IGLL5: variants seen among roughly 807,000 people sequenced by gnomAD.
The protein encoded by IGLL5 is immunoglobulin lambda-like polypeptide 5.
In IGLL5, 30 loss-of-function variants were observed where a neutral mutation model predicts 20.9. The ratio of observed to expected loss-of-function variants is 1.44; its 90% CI spans 1.07 to 1.95. The LOEUF is 1.95. Ranked by LOEUF, IGLL5 falls within the 30% of genes most tolerant of loss-of-function variation. IGLL5 has a pLI of 0.00. For synonymous variants in IGLL5, 203 were observed against 117.3 expected, an observed-to-expected ratio of 1.73 and a Z score of -4.72; for missense variants, 475 against 270.7, an observed-to-expected ratio of 1.75 and a Z score of -5.30.
intron 1 of IGLL5, among the ~76,000 whole-genome samples, chr22:22,892,414 A>C (rs1247924708): frequency 6.6e-6 from 1 of 151,126 alleles, no homozygotes; most frequent in African/African-American, 2.4e-5. Flanking sequence ...GATGGTTGCC[A>C]TCATAAACTC....
intron 1 of IGLL5, among the ~76,000 whole-genome samples, chr22:22,889,105 T>C (rs527437510): frequency 4.6e-5 from 7 of 151,172 alleles, no homozygotes; most frequent in South Asian, 2.1e-4. Context: ...AGATTTGTGT[T>C]TTTGGAAAAA....
chr22:22,893,247 G>T (rs2067903464), intron 1 of IGLL5, among the ~76,000 whole-genome samples: 1 of 151,152 alleles, frequency 6.6e-6, no homozygotes, highest in Non-Finnish European at 1.5e-5. Context: ...ATCAGAAAAA[G>T]CTTCATGCAC....
At chr22:22,889,103 G>T (rs2067686219) in intron 1 of IGLL5, among the ~76,000 whole-genome samples, 2 of 151,206 alleles carry the variant, frequency 1.3e-5, no homozygotes, top group African/African-American at 4.8e-5. Context: ...TCAGATTTGT[G>T]TTTTTGGAAA....
At chr22:22,894,087 G>T (rs1569087166) in intron 2 of IGLL5, among the ~76,000 whole-genome samples, 1 of 151,484 alleles carries the variant, frequency 6.6e-6, no homozygotes, top group Admixed American at 6.6e-5. Flanking sequence ...CAGGGCAGAT[G>T]TCTGAGTGAG....
chr22:22,893,667 C>T (rs2067919022), intron 1 of IGLL5, 33 bp from the exon 2 acceptor site: 1 of 1,419,844 alleles, frequency 7.0e-7, no homozygotes, highest in African/African-American at 1.4e-5. Context: ...CCAGCCCCGC[C>T]CACTGCAACC....
intron 2 of IGLL5, among the ~76,000 whole-genome samples, chr22:22,894,847 G>C (rs1190684298): frequency 1.3e-5 from 2 of 151,386 alleles, no homozygotes; most frequent in African/African-American, 4.8e-5. Flanking sequence ...AAGTGGGCTG[G>C]GCTGGGGCAG....
chr22:22,887,882 C>T lies in IGLL5; in HGVS notation c.-172C>T, dbSNP rs1210895034. On this transcript the variant is annotated 5_prime_UTR_variant, in exon 1 of 3. Transcript: ENST00000526893. ...GATCCCCAGGGGTGACAGCCATGGA[C>T]CCTGGAAGGGCCTGGGCTAGGGACA... 1 of 661,728 alleles carries T rather than the reference C, an allele frequency of 1.5e-6. No homozygotes were observed. Among genetic ancestry groups the T allele is most frequent in the Non-Finnish European group, 2.7e-6 (1 of 364,358 alleles). The allele number at this position is 661,728 out of a possible 1,614,324, so 41.0% of individuals were successfully genotyped here.
chr22:22,888,245 G>T lies in IGLL5; in HGVS notation c.192G>T (p.Arg64=). 1 of 1,547,888 alleles carries T rather than the reference G, an allele frequency of 6.5e-7. No individual in the cohort carries two copies. Among genetic ancestry groups the T allele is most frequent in the Non-Finnish European group, 8.7e-7 (1 of 1,146,454 alleles). ...TTGGAAGCAGCCGATCCAGCCTGCG[G>T]AGCCTGTGGGGCAGGTAAGGGGCAA... The part of the protein sequence containing the change: ...ASVGSSRSSL[R]SLWGRLLLQP... Residue 64 remains arginine (R), a synonymous_variant, in exon 1 of 3, where the codon CGG becomes CGT. Coordinates refer to ENST00000526893, the MANE Select transcript of IGLL5 (RefSeq NM_001178126.2).
At chr22:22,893,841 CAG>C in intron 2 of IGLL5, 23 bp downstream of exon 2, 1 of 1,454,398 alleles carries the variant, frequency 6.9e-7, no homozygotes, top group Non-Finnish European at 9.7e-7. Flanking sequence ...CAACCTTTCC[CAG>C]CCTGTCTCAC....
rs571106769 is a variant in IGLL5 at position 22,889,192 on chromosome 22, G to C, written c.206+933G>C. 6.6e-5 allele frequency among the ~76,000 whole-genome samples: 10 copies of C among 151,140 alleles called. 1 individual carries two copies. The highest frequency in any genetic ancestry group is 6.3e-4 in the South Asian group (3 of 4,744). On this transcript the variant is annotated intron_variant, in intron 1 of 2. Coordinates refer to ENST00000526893, the MANE Select transcript of IGLL5 (RefSeq NM_001178126.2). ...GGGGGTGATGGCCAAGTCCAGGGTA[G>C]GTGGGGATCCTGGAGGAAGCCGTGC...
chr22:22,889,072 T>G (rs549387114), intron 1 of IGLL5, among the ~76,000 whole-genome samples: 1 of 151,306 alleles, frequency 6.6e-6, no homozygotes, highest in African/African-American at 2.4e-5. Flanking sequence ...TGGATGGATT[T>G]AGGTAGATTG....
At chr22:22,894,490 G>C (rs1319934657) in intron 2 of IGLL5, among the ~76,000 whole-genome samples, 1 of 151,440 alleles carries the variant, frequency 6.6e-6, no homozygotes, top group Admixed American at 6.6e-5. Context: ...TCTTAGGGCA[G>C]AGATGTGTCT....
chr22:22,888,389 C>T (rs549678105), intron 1 of IGLL5, 130 bp downstream of exon 1: 8 of 718,002 alleles, frequency 1.1e-5, no homozygotes, highest in African/African-American at 1.8e-5. Context: ...CTGACACTGG[C>T]TTTAGTAATG....
At chr22:22,895,146 G>A (rs2146051514) in intron 2 of IGLL5, among the ~76,000 whole-genome samples, 1 of 151,446 alleles carries the variant, frequency 6.6e-6, no homozygotes, top group African/African-American at 2.4e-5. Context: ...GAGAGGGGCT[G>A]GGCCAGGACA....
chr22:22,894,126 C>G (rs2067985691), intron 2 of IGLL5, among the ~76,000 whole-genome samples: 2 of 151,510 alleles, frequency 1.3e-5, no homozygotes, highest in Admixed American at 6.6e-5. Flanking sequence ...ATGAGGGGCC[C>G]TGCAGTGTCC....
chr22:22,891,947 A>G (rs1331643068), intron 1 of IGLL5, among the ~76,000 whole-genome samples: 1 of 151,028 alleles, frequency 6.6e-6, no homozygotes, highest in Non-Finnish European at 1.5e-5. Flanking sequence ...CTATCACACC[A>G]TTTGCCAAGA....
intron 1 of IGLL5, among the ~76,000 whole-genome samples, chr22:22,888,598 A>G (rs1011216073): frequency 3.3e-5 from 5 of 151,292 alleles, no homozygotes; most frequent in East Asian, 2.0e-4. Flanking sequence ...GGTGGTGGCC[A>G]CTGTCCCCAC....
intron 2 of IGLL5, among the ~76,000 whole-genome samples, chr22:22,894,062 GC>G (rs2067975663): frequency 6.6e-6 from 1 of 151,356 alleles, no homozygotes; most frequent in African/African-American, 2.4e-5. Context: ...CAGGGTCAGG[GC>G]TCCTCCTCTC....
chr22:22,891,971 T>C (rs953734286), intron 1 of IGLL5, among the ~76,000 whole-genome samples: 1 of 151,256 alleles, frequency 6.6e-6, no homozygotes, highest in Non-Finnish European at 1.5e-5. Flanking sequence ...ATTTTCTCTC[T>C]TTTTCTGTAA....
Sources: gnomAD v4.1 joint callset for allele counts (sites outside exome capture counted in the v4.1 genomes callset) on GRCh38, gnomAD v4.1.1 for gene constraint, MANE v1.5 for transcripts, NCBI Gene and HGNC (gene_info 2026-07-23, HGNC 2026-07-21) for gene names.